The following SORCS3 variants were observed in gnomAD, a reference collection of about 807,000 sequenced individuals.
The protein encoded by SORCS3 is sortilin related VPS10 domain containing receptor 3.
SORCS3 carries 57 observed loss-of-function variants against 146.3 expected under a neutral mutation model. The observed-to-expected ratio is 0.39, with a 90% confidence interval of 0.31 to 0.49. The LOEUF (loss-of-function observed/expected upper bound fraction) is 0.49, where lower values mean the gene tolerates loss of function less well. Among genes scored for constraint, SORCS3 ranks in the 20% least tolerant of loss-of-function variants. The pLI is 0.92. For missense variants in SORCS3, 1,341 were observed against 1,575.5 expected (o/e 0.85, Z 2.52); for synonymous variants, 653 against 618.5 (o/e 1.06, Z -0.83).
chr10:105,052,059 C>G (rs1052629447), intron 5 of SORCS3, among the ~76,000 whole-genome samples: 1 of 152,072 alleles, frequency 6.6e-6, no homozygotes, highest in African/African-American at 2.4e-5. Context: ...CTGAGCAAGA[C>G]AGAATGGTCA....
intron 1 of SORCS3, among the ~76,000 whole-genome samples, chr10:104,801,413 G>A (rs2017622534): frequency 6.6e-6 from 1 of 152,194 alleles, no homozygotes; most frequent in Non-Finnish European, 1.5e-5. Context: ...TTCCTCACTT[G>A]TAAAATGGGA....
chr10:105,248,174 G>A (rs1387168224), intron 22 of SORCS3, among the ~76,000 whole-genome samples: 1 of 152,198 alleles, frequency 6.6e-6, no homozygotes, highest in African/African-American at 2.4e-5. Flanking sequence ...ATATATTGAT[G>A]AATAAAACAT....
chr10:105,157,924 G>A (rs532462748), intron 10 of SORCS3, among the ~76,000 whole-genome samples: 2 of 152,302 alleles, frequency 1.3e-5, no homozygotes, highest in South Asian at 2.1e-4. Context: ...CCCAGAAATG[G>A]TTATGTTTCT....
At chr10:104,808,000 T>C (rs2133515764) in intron 1 of SORCS3, among the ~76,000 whole-genome samples, 1 of 152,290 alleles carries the variant, frequency 6.6e-6, no homozygotes, top group African/African-American at 2.4e-5. Flanking sequence ...GTAAATAATA[T>C]AGCTAAGGTT....
At chr10:104,822,012 C>T (rs2017878500) in intron 1 of SORCS3, 1 of 487,718 alleles carries the variant, frequency 2.1e-6, no homozygotes, top group Admixed American at 2.2e-5. Flanking sequence ...TGGGCACTTT[C>T]ATACCATCTC....
At chr10:105,180,217 A>G (rs1162263241) in intron 14 of SORCS3, among the ~76,000 whole-genome samples, 1 of 152,248 alleles carries the variant, frequency 6.6e-6, no homozygotes, top group African/African-American at 2.4e-5. Flanking sequence ...GCCAGGAGAT[A>G]GCAGAGGAAA....
At chr10:104,830,551 A>C (rs761170243) in intron 1 of SORCS3, among the ~76,000 whole-genome samples, 2 of 152,128 alleles carry the variant, frequency 1.3e-5, no homozygotes, top group Non-Finnish European at 2.9e-5. Context: ...GTCACATCAG[A>C]AGCCAGATAT....
At chr10:104,643,575 G>A (rs1377149130) in intron 1 of SORCS3, among the ~76,000 whole-genome samples, 1 of 152,198 alleles carries the variant, frequency 6.6e-6, no homozygotes, top group East Asian at 1.9e-4. Flanking sequence ...GCAGGGCTGG[G>A]TGATTGAAGA....
intron 1 of SORCS3, among the ~76,000 whole-genome samples, chr10:104,808,843 G>T (rs1273052717): frequency 6.6e-6 from 1 of 152,200 alleles, no homozygotes. Flanking sequence ...AGAGAACAGA[G>T]AATGAAGTAA....
rs2054906340 is a variant in SORCS3, at chr10:104,977,455, C to A, written c.916C>A (p.Gln306Lys). ...YIQSLLFHPK[Q>K]EDWVLAYSLD... is the part of the protein sequence containing the mutation. ...CCAGAGCCTGCTCTTTCATCCCAAG[C>A]AAGAGGACTGGGTGCTGGCCTACAG... is the stretch of plus-strand genomic sequence containing the variant. The change falls in exon 4 of 27, where the codon CAA becomes AAA. Residue 306 changes from glutamine (Q) to lysine (K), a missense_variant. Coordinates refer to ENST00000369701, the MANE Select transcript of SORCS3 (RefSeq NM_014978.3). The A allele has an allele frequency of 1.9e-6, 3 of 1,613,106 alleles. No homozygotes were observed. Among genetic ancestry groups the A allele is most frequent in the African/African-American group, 1.3e-5 (1 of 74,972 alleles).
At chr10:105,230,743 G>T (rs1010666656) in intron 20 of SORCS3, among the ~76,000 whole-genome samples, 1 of 152,156 alleles carries the variant, frequency 6.6e-6, no homozygotes. Flanking sequence ...TGTCTGTGGG[G>T]GATGTCAACA....
At chr10:105,018,181 C>T (rs1251539975) in intron 4 of SORCS3, among the ~76,000 whole-genome samples, 1 of 152,200 alleles carries the variant, frequency 6.6e-6, no homozygotes, top group Non-Finnish European at 1.5e-5. Flanking sequence ...CTTTGCTTCT[C>T]TTTTCTGGTG....
At chr10:105,211,065 G>A (rs1008216944) in intron 16 of SORCS3, 72 bp from the exon 17 acceptor site, 10 of 1,010,154 alleles carry the variant, frequency 9.9e-6, no homozygotes, top group Non-Finnish European at 1.6e-5. Context: ...ACATGTATAT[G>A]TTTGTGTGTG....
At chr10:105,242,863 AT>A (rs2056842924) in intron 20 of SORCS3, among the ~76,000 whole-genome samples, 3 of 103,082 alleles carry the variant, frequency 2.9e-5, no homozygotes, top group Admixed American at 1.4e-4. Flanking sequence ...AATTATATAT[AT>A]ATTTTTATAT....
chr10:104,839,069 T>C (rs991291349), intron 1 of SORCS3, among the ~76,000 whole-genome samples: 1 of 152,200 alleles, frequency 6.6e-6, no homozygotes, highest in Non-Finnish European at 1.5e-5. Context: ...CTGAAGTCTG[T>C]GATTTACCAA....
intron 20 of SORCS3, among the ~76,000 whole-genome samples, chr10:105,243,964 T>C (rs567658691): frequency 5.9e-5 from 9 of 152,296 alleles, no homozygotes; most frequent in Non-Finnish European, 1.5e-5. Flanking sequence ...TGTGAAGGAC[T>C]GTCCTGCCCC....
At chr10:104,794,372 A>G (rs2017527593) in intron 1 of SORCS3, among the ~76,000 whole-genome samples, 2 of 152,098 alleles carry the variant, frequency 1.3e-5, no homozygotes, top group Admixed American at 1.3e-4. Context: ...TTATGAAGCC[A>G]AAGTGATGAA....
intron 20 of SORCS3, among the ~76,000 whole-genome samples, chr10:105,235,792 TTAG>T (rs1249805408): frequency 6.6e-6 from 1 of 152,030 alleles, no homozygotes; most frequent in Non-Finnish European, 1.5e-5. Flanking sequence ...CTGCTACTTC[TTAG>T]TTGTGTGAGA....
At chr10:105,127,542 A>G (rs1243054655) in intron 7 of SORCS3, among the ~76,000 whole-genome samples, 1 of 152,150 alleles carries the variant, frequency 6.6e-6, no homozygotes, top group Non-Finnish European at 1.5e-5. Context: ...GGTTGTGCTC[A>G]GATCAAATGA....
Sources: gnomAD v4.1 joint callset for allele counts (sites outside exome capture counted in the v4.1 genomes callset) on GRCh38, gnomAD v4.1.1 for gene constraint, MANE v1.5 for transcripts, NCBI Gene and HGNC (gene_info 2026-07-23, HGNC 2026-07-21) for gene names.